The following LTBP2 variants were observed in gnomAD, a reference collection of about 807,000 sequenced individuals.
LTBP2 encodes latent-transforming growth factor beta-binding protein 2.
LTBP2 carries 103 observed loss-of-function variants against 210.6 expected under a neutral mutation model. The observed-to-expected ratio is 0.49, with a 90% CI of 0.42 to 0.58. The LOEUF (loss-of-function observed/expected upper bound fraction) is 0.58. LTBP2 is among the 20% of genes least tolerant of loss of function. The pLI is 0.00. For missense variants in LTBP2, 2,313 were observed against 2,494.5 expected (o/e 0.93, Z 1.55); for synonymous variants, 1,007 against 1,015.0 (o/e 0.99, Z 0.15).
intron 13 of LTBP2, 100 bp downstream of exon 13, chr14:74,527,247 C>G (rs1307554964): frequency 7.1e-7 from 1 of 1,405,910 alleles, no homozygotes; most frequent in African/African-American, 1.4e-5. Context: ...ATCTTTCTCC[C>G]TCTCCCTCCC....
At position 74,553,025 on chromosome 14, in the gene LTBP2, G is replaced by C; in HGVS notation, c.1059C>G (p.Ile353Met). Residue 353 changes from isoleucine to methionine, a missense_variant, in exon 5 of 36, where the codon ATC (isoleucine) becomes ATG (methionine). Ile to Met is a conservative substitution (Grantham distance 10, BLOSUM62 1). This residue lies in a region of LTBP2 where 1,867 missense variants were observed against 1,976.9 expected (regional missense o/e 0.94). Coordinates refer to ENST00000261978, the MANE Select transcript of LTBP2 (RefSeq NM_000428.3). ...GCTTGCAGATGGTGGGAGTGAAGAC[G>C]ATCTTGATCTTCTTGATTTTCTCCG... ...NLTEKIKKIK[I>M]VFTPTICKQT... 5 of 1,614,160 alleles carry C rather than the reference G, an allele frequency of 3.1e-6. No homozygotes were observed. The highest frequency in any genetic ancestry group is 4.2e-6 in the Non-Finnish European group (5 of 1,180,020).
At chr14:74,588,698 T>C (rs370055642) in intron 2 of LTBP2, among the ~76,000 whole-genome samples, 1 of 152,144 alleles carries the variant, frequency 6.6e-6, no homozygotes, top group Admixed American at 6.5e-5. Context: ...AGTGTGACAA[T>C]AGGCCTGGCA....
At chr14:74,573,167 C>T (rs1236685181) in intron 3 of LTBP2, among the ~76,000 whole-genome samples, 1 of 152,222 alleles carries the variant, frequency 6.6e-6, no homozygotes, top group Non-Finnish European at 1.5e-5. Context: ...CTTGCCTACG[C>T]TCACATGCCC....
intron 26 of LTBP2, 134 bp from the exon 27 acceptor site, chr14:74,506,957 T>C (rs1325830391): frequency 1.3e-6 from 2 of 1,546,506 alleles, no homozygotes; most frequent in East Asian, 4.9e-5. Flanking sequence ...ATTTGGCTTA[T>C]TAGCACCAAG....
intron 3 of LTBP2, among the ~76,000 whole-genome samples, chr14:74,571,811 G>A (rs1021104592): frequency 3.3e-5 from 5 of 152,228 alleles, no homozygotes; most frequent in Non-Finnish European, 5.9e-5. Context: ...AAAATGCAGC[G>A]TAGGCGACAT....
chr14:74,546,449 G>A (rs1378008219), intron 8 of LTBP2, among the ~76,000 whole-genome samples: 4 of 152,194 alleles, frequency 2.6e-5, no homozygotes, highest in Admixed American at 1.3e-4. Flanking sequence ...GCTCCCCAAC[G>A]TCTTGCCCCT....
chr14:74,587,518 C>G (rs1304932518), intron 2 of LTBP2, among the ~76,000 whole-genome samples: 2 of 151,258 alleles, frequency 1.3e-5, no homozygotes, highest in Non-Finnish European at 2.9e-5. Context: ...AAGACCTGGG[C>G]AGTTTCCCAA....
At position 74,551,214 on chromosome 14, in the gene LTBP2, C is replaced by T. The variant is rs371191837; in HGVS notation, c.1536G>A (p.Pro512=). The T allele has an allele frequency of 1.7e-5, 27 of 1,613,206 alleles. No individual in the cohort carries two copies. The highest frequency in any genetic ancestry group is 8.0e-5 in the African/African-American group (6 of 74,884). The change falls in exon 7 of 36, where the codon CCG becomes CCA. Residue 512 remains proline (P), a synonymous_variant. Coordinates refer to ENST00000261978, the MANE Select transcript of LTBP2 (RefSeq NM_000428.3). ...GGCCAGGGCTGGCAGGCAGCCAGGGCGGGGGTCTGGTCTCCACGCTGTTCT... is the reference window on the plus strand; with the variant it reads ...GGCCAGGGCTGGCAGGCAGCCAGGGTGGGGGTCTGGTCTCCACGCTGTTCT... ...LVENSVETRP[P]PWLPASPGHS...
chr14:74,523,381 C>A (rs1031420337), intron 15 of LTBP2, among the ~76,000 whole-genome samples: 2 of 151,950 alleles, frequency 1.3e-5, no homozygotes, highest in Admixed American at 1.3e-4. Flanking sequence ...CTGAGCAGAG[C>A]CTTGAAAGCC....
intron 9 of LTBP2, 129 bp downstream of exon 9, chr14:74,535,797 C>A: frequency 1.2e-6 from 1 of 817,770 alleles, no homozygotes; most frequent in Non-Finnish European, 2.1e-6. Flanking sequence ...AGCCCCCCAC[C>A]ACTCCCCAAA....
chr14:74,511,350 G>A lies in LTBP2; in HGVS notation c.2923C>T (p.Arg975Cys), dbSNP rs537358275. 43 of 1,614,046 alleles carry A rather than the reference G, an allele frequency of 2.7e-5. No homozygotes were observed. Among genetic ancestry groups the A allele is most frequent in the Admixed American group, 3.3e-5 (2 of 60,012 alleles). The stretch of plus-strand genomic sequence containing the variant: ...CCATCAGGGCAGGTACCGGGGTGAC[G>A]GCATTCGTTGATATCTGCAAAACAG... ...KGHCQDINEC[R>C]HPGTCPDGRC... Residue 975 changes from arginine (R) to cysteine (C), a missense_variant, in exon 19 of 36, where the codon CGT becomes TGT. Transcript: ENST00000261978.
intron 12 of LTBP2, 79 bp downstream of exon 12, chr14:74,528,403 AT>A: frequency 6.6e-7 from 1 of 1,515,628 alleles, no homozygotes; most frequent in Non-Finnish European, 9.1e-7. Flanking sequence ...GGGACCCAGG[AT>A]TAACACCCAC....
At chr14:74,531,599 T>C (rs535440364) in intron 10 of LTBP2, among the ~76,000 whole-genome samples, 21 of 152,336 alleles carry the variant, frequency 1.4e-4, no homozygotes, top group Admixed American at 9.1e-4. Flanking sequence ...CACTGGAGTC[T>C]TGTCCAATCC....
In LTBP2 at chr14:74,513,718, G is replaced by A. The variant is rs1213185556; in HGVS notation, c.2909-2354C>T. Among the ~76,000 whole-genome samples, 5 of 152,314 alleles carry A rather than the reference G, an allele frequency of 3.3e-5. No homozygotes were observed. In the East Asian group the frequency reaches 5.8e-4, roughly 18 times the overall value. ...CTCGGGAGGCTGAGGCAGGAGAATC[G>A]CTTGAACCCGGTGGGGGAGGAGGTT... On this transcript the variant is annotated intron_variant, in intron 18 of 35. Transcript: ENST00000261978.
chr14:74,537,439 T>A (rs190457057), intron 8 of LTBP2, among the ~76,000 whole-genome samples: 8 of 152,332 alleles, frequency 5.3e-5, no homozygotes, highest in African/African-American at 1.9e-4. Flanking sequence ...CATACAAAGT[T>A]CCATAAATAT....
chr14:74,532,084 C>G (rs2087357140), intron 10 of LTBP2, among the ~76,000 whole-genome samples: 1 of 152,152 alleles, frequency 6.6e-6, no homozygotes, highest in Non-Finnish European at 1.5e-5. Context: ...CAGAGGCCAC[C>G]CCCACCACCT....
intron 1 of LTBP2, among the ~76,000 whole-genome samples, chr14:74,605,348 CT>C (rs1220796268): frequency 7.9e-5 from 12 of 152,198 alleles, no homozygotes; most frequent in Admixed American, 7.9e-4. Context: ...TCCCAGGGAG[CT>C]CCCAGAATGT....
intron 2 of LTBP2, among the ~76,000 whole-genome samples, chr14:74,601,886 G>A (rs1279901765): frequency 6.6e-6 from 1 of 152,166 alleles, no homozygotes; most frequent in Non-Finnish European, 1.5e-5. Context: ...GCCTGGGGCT[G>A]GTCCTTGAAG....
Position 74,507,992 on chromosome 14 carries a change from T to C in LTBP2, c.3756A>G (p.Pro1252=), listed in dbSNP as rs2087012725. Residue 1252 remains proline (P), a synonymous_variant, in exon 25 of 36, where the codon CCA becomes CCG. Coordinates refer to ENST00000261978, the MANE Select transcript of LTBP2 (RefSeq NM_000428.3). Reference sequence around the variant, plus strand: ...CCTTACCCACACACTCTCCACTCTCTGGGGAGGGCTGGAAGCCAGTCTCAC... The same window carrying C: ...CCTTACCCACACACTCTCCACTCTCCGGGGAGGGCTGGAAGCCAGTCTCAC... ...CLCETGFQPS[P]ESGECVDIDE... The C allele has an allele frequency of 1.2e-6, 2 of 1,613,528 alleles. No homozygotes were observed. Among genetic ancestry groups the C allele is most frequent in the Non-Finnish European group, 1.7e-6 (2 of 1,180,022 alleles).
Sources: allele counts gnomAD v4.1 joint callset (sites outside exome capture counted in the v4.1 genomes callset), GRCh38; gene constraint gnomAD v4.1.1; regional missense constraint gnomAD v4.1.1; transcripts MANE v1.5; gene names NCBI Gene and HGNC (gene_info 2026-07-23, HGNC 2026-07-21).